DYM: variants seen among roughly 807,000 people sequenced by gnomAD.
DYM encodes dymeclin, also known as dyggve-Melchior-Clausen syndrome protein.
A neutral mutation model predicts 93.1 loss-of-function variants in DYM; 78 were observed. That is an observed-to-expected ratio of 0.84 (90% CI 0.70 to 1.01). DYM has a LOEUF of 1.01. DYM is among the 50% of genes least tolerant of loss of function. The pLI is 0.00. For synonymous variants in DYM, 321 were observed against 319.7 expected, an observed-to-expected ratio of 1.00 and a Z score of -0.04; for missense variants, 789 against 845.0, an observed-to-expected ratio of 0.93 and a Z score of 0.82.
chr18:49,444,035 A>T (rs2081895855), intron 1 of DYM, among the ~76,000 whole-genome samples: 1 of 152,246 alleles, frequency 6.6e-6, no homozygotes, highest in Non-Finnish European at 1.5e-5. Flanking sequence ...ATGTGTAACA[A>T]CTGATGGTGG....
At chr18:49,050,557 G>A (rs571850917) in intron 17 of DYM, among the ~76,000 whole-genome samples, 1 of 152,172 alleles carries the variant, frequency 6.6e-6, no homozygotes, top group East Asian at 1.9e-4. Flanking sequence ...CATCCAGCAT[G>A]GCAGCTAACT....
intron 14 of DYM, among the ~76,000 whole-genome samples, chr18:49,182,401 A>G (rs1433787109): frequency 6.6e-6 from 1 of 152,220 alleles, no homozygotes; most frequent in East Asian, 1.9e-4. Flanking sequence ...TGAAAGCTCC[A>G]ACTATAACTG....
intron 10 of DYM, among the ~76,000 whole-genome samples, chr18:49,272,543 G>C (rs1285313578): frequency 1.3e-5 from 2 of 152,114 alleles, no homozygotes; most frequent in Admixed American, 6.6e-5. Flanking sequence ...CAACATAAAG[G>C]TTGGATCTGC....
At chr18:49,413,730 C>T (rs570495572) in intron 2 of DYM, among the ~76,000 whole-genome samples, 1 of 152,278 alleles carries the variant, frequency 6.6e-6, no homozygotes, top group South Asian at 2.1e-4. Flanking sequence ...TTATACTAGG[C>T]CAGGCACAGT....
At chr18:49,213,612 A>C (rs1156801670) in intron 13 of DYM, among the ~76,000 whole-genome samples, 2 of 152,222 alleles carry the variant, frequency 1.3e-5, no homozygotes, top group African/African-American at 4.8e-5. Context: ...CACAGTGCCT[A>C]GCCAATTTAT....
chr18:49,331,494 C>T (rs774690722), intron 8 of DYM, among the ~76,000 whole-genome samples: 1 of 152,154 alleles, frequency 6.6e-6, no homozygotes, highest in Non-Finnish European at 1.5e-5. Context: ...GAAATCCTAA[C>T]CAAAATATAC....
At chr18:49,058,115 A>G (rs2075655683) in intron 17 of DYM, among the ~76,000 whole-genome samples, 1 of 152,232 alleles carries the variant, frequency 6.6e-6, no homozygotes, top group Non-Finnish European at 1.5e-5. Flanking sequence ...GTTCAAAGCC[A>G]AAGGACAACT....
chr18:49,304,327 T>C (rs959397738), intron 8 of DYM, among the ~76,000 whole-genome samples: 1 of 152,108 alleles, frequency 6.6e-6, no homozygotes, highest in Non-Finnish European at 1.5e-5. Flanking sequence ...ACCCAACAAA[T>C]TGTCAACGGC....
At chr18:49,247,267 C>T (rs1358751791) in intron 13 of DYM, among the ~76,000 whole-genome samples, 2 of 152,042 alleles carry the variant, frequency 1.3e-5, no homozygotes, top group African/African-American at 2.4e-5. Flanking sequence ...GGGAACCACA[C>T]AAGAAATGAA....
intron 13 of DYM, among the ~76,000 whole-genome samples, chr18:49,221,920 A>T (rs538566352): frequency 2.0e-4 from 31 of 151,642 alleles, no homozygotes; most frequent in South Asian, 8.4e-4. Flanking sequence ...AATAAAATTT[A>T]AAAAAAAATT....
At chr18:49,066,951 C>T (rs1301410895) in intron 17 of DYM, among the ~76,000 whole-genome samples, 1 of 152,164 alleles carries the variant, frequency 6.6e-6, no homozygotes, top group Non-Finnish European at 1.5e-5. Context: ...AGGCTGATTA[C>T]TGGGGATATA....
intron 8 of DYM, among the ~76,000 whole-genome samples, chr18:49,326,701 G>C (rs1290057668): frequency 2.0e-5 from 3 of 152,128 alleles, no homozygotes; most frequent in Non-Finnish European, 4.4e-5. Flanking sequence ...ATTGATAGCA[G>C]AGTGGTTACA....
chr18:49,173,132 T>C (rs900700546), intron 14 of DYM, among the ~76,000 whole-genome samples: 4 of 152,124 alleles, frequency 2.6e-5, no homozygotes, highest in Admixed American at 2.6e-4. Flanking sequence ...TGAGCATATA[T>C]GCACTGGTCT....
intron 16 of DYM, among the ~76,000 whole-genome samples, chr18:49,114,071 G>C (rs1044725834): frequency 1.3e-5 from 2 of 152,146 alleles, no homozygotes; most frequent in Non-Finnish European, 2.9e-5. Flanking sequence ...GATGGCGAAA[G>C]GGCCAATGAC....
Position 49,267,200 on chromosome 18 carries a change from T to TA in DYM, c.1251+4977dup, listed in dbSNP as rs35559696. Among the ~76,000 whole-genome samples, 139 of 149,194 alleles carry TA rather than the reference T, an allele frequency of 9.3e-4. 2 individuals carry two copies. The highest frequency in any genetic ancestry group is 9.1e-3 in the East Asian group (46 of 5,052). The stretch of plus-strand genomic sequence containing the variant: ...GTACAGACATTAAAAGGTAACTTTT[T>TA]AAAAAAAAAAAAGAAGAGGTAATAA... On this transcript the variant is annotated intron_variant, in intron 11 of 17. Transcript: ENST00000675505.
chr18:49,103,094 T>G (rs545745959), intron 16 of DYM, among the ~76,000 whole-genome samples: 11 of 152,336 alleles, frequency 7.2e-5, no homozygotes, highest in South Asian at 4.1e-4. Context: ...CCTGACTTTT[T>G]AATGATTGCC....
intron 6 of DYM, among the ~76,000 whole-genome samples, chr18:49,358,472 C>A (rs1055503764): frequency 1.3e-5 from 2 of 152,028 alleles, no homozygotes; most frequent in Non-Finnish European, 2.9e-5. Context: ...TCACAGTACA[C>A]AAATAGATAC....
chr18:49,442,680 C>A (rs1321458651), intron 1 of DYM, among the ~76,000 whole-genome samples: 1 of 151,592 alleles, frequency 6.6e-6, no homozygotes, highest in Non-Finnish European at 1.5e-5. Context: ...TAATACCAAA[C>A]ATGTATTTAG....
At chr18:49,239,627 G>T (rs982406484) in intron 13 of DYM, among the ~76,000 whole-genome samples, 5 of 152,340 alleles carry the variant, frequency 3.3e-5, no homozygotes, top group Non-Finnish European at 7.3e-5. Flanking sequence ...AGGAGGCCAA[G>T]CTTCATAGCA....
Sources: gnomAD v4.1 joint callset for allele counts (sites outside exome capture counted in the v4.1 genomes callset) on GRCh38, gnomAD v4.1.1 for gene constraint, MANE v1.5 for transcripts, NCBI Gene and HGNC (gene_info 2026-07-23, HGNC 2026-07-21) for gene names.